MAGI2: variants seen among roughly 807,000 people sequenced by gnomAD.
MAGI2 encodes the protein membrane associated guanylate kinase, WW and PDZ domain containing 2.
Under a neutral mutation model 133.3 loss-of-function variants are expected in MAGI2, and 35 were observed. The observed-to-expected ratio is 0.26, with a 90% CI of 0.20 to 0.35. The LOEUF is 0.35. Ranked by LOEUF, MAGI2 falls within the 10% of genes least tolerant of loss-of-function variation. MAGI2 has a pLI of 1.00. For synonymous variants in MAGI2, 729 were observed against 710.6 expected (o/e 1.03, Z -0.41); for missense variants, 1,636 against 1,863.4 (o/e 0.88, Z 2.25).
At chr7:78,664,490 A>T (rs181590265) in intron 2 of MAGI2, among the ~76,000 whole-genome samples, 1 of 152,174 alleles carries the variant, frequency 6.6e-6, no homozygotes, top group Non-Finnish European at 1.5e-5. Flanking sequence ...TTAATCAGTA[A>T]TTGAAAGAAC....
intron 20 of MAGI2, among the ~76,000 whole-genome samples, chr7:78,081,103 G>T (rs901087806): frequency 6.6e-6 from 1 of 152,038 alleles, no homozygotes; most frequent in Admixed American, 6.6e-5. Context: ...GTGATTTCTT[G>T]TTCTTTCTGA....
chr7:79,361,331 G>C (rs1245876469), intron 1 of MAGI2, among the ~76,000 whole-genome samples: 1 of 152,052 alleles, frequency 6.6e-6, no homozygotes, highest in Non-Finnish European at 1.5e-5. Flanking sequence ...AAATGATATG[G>C]AAGGAGGGAA....
chr7:78,965,273 T>C (rs1229248004), intron 2 of MAGI2, among the ~76,000 whole-genome samples: 1 of 151,692 alleles, frequency 6.6e-6, no homozygotes, highest in African/African-American at 2.4e-5. Context: ...TTAAATGACA[T>C]AGGGATATGC....
intron 1 of MAGI2, among the ~76,000 whole-genome samples, chr7:79,313,830 T>C (rs1179049017): frequency 6.6e-6 from 1 of 150,614 alleles, no homozygotes; most frequent in Non-Finnish European, 1.5e-5. Flanking sequence ...TAAGATGGAG[T>C]CTCACTCTGT....
chr7:78,913,356 T>G (rs1482456446), intron 2 of MAGI2, among the ~76,000 whole-genome samples: 1 of 152,114 alleles, frequency 6.6e-6, no homozygotes. Flanking sequence ...TGTGTTGCAC[T>G]TTTGCCTCTC....
intron 2 of MAGI2, among the ~76,000 whole-genome samples, chr7:78,715,660 G>A (rs1819627215): frequency 6.6e-6 from 1 of 152,136 alleles, no homozygotes; most frequent in Non-Finnish European, 1.5e-5. Context: ...AGATACCAAA[G>A]ACAGATGACA....
Position 78,160,289 on chromosome 7 carries a change from C to T in MAGI2, c.2597-16G>A, listed in dbSNP as rs1244556686. The T allele has an allele frequency of 1.3e-6, 2 of 1,559,758 alleles. No homozygotes were observed. Among genetic ancestry groups the T allele is most frequent in the East Asian group, 2.3e-5 (1 of 44,214 alleles). On this transcript the variant is annotated splice_polypyrimidine_tract_variant and intron_variant, in intron 15 of 21. Transcript: ENST00000354212. ...CAGGGCTCCCCTGCAAAATATACCACACACAGGTAATCAATTACCTTACAA... is the reference window on the plus strand; with the variant it reads ...CAGGGCTCCCCTGCAAAATATACCATACACAGGTAATCAATTACCTTACAA...
At chr7:78,895,806 T>C (rs950116987) in intron 2 of MAGI2, among the ~76,000 whole-genome samples, 1 of 152,210 alleles carries the variant, frequency 6.6e-6, no homozygotes, top group Non-Finnish European at 1.5e-5. Flanking sequence ...TATTACTGAC[T>C]TAAAAGGTTT....
At chr7:79,090,393 T>C (rs537492038) in intron 1 of MAGI2, among the ~76,000 whole-genome samples, 1 of 152,242 alleles carries the variant, frequency 6.6e-6, no homozygotes, top group African/African-American at 2.4e-5. Flanking sequence ...AAATAATGGG[T>C]AGTGACACTA....
intron 2 of MAGI2, among the ~76,000 whole-genome samples, chr7:78,960,743 G>C (rs1323238000): frequency 6.6e-6 from 1 of 152,060 alleles, no homozygotes; most frequent in Non-Finnish European, 1.5e-5. Flanking sequence ...TGCATAGTTA[G>C]TGAGTTAGCT....
At chr7:78,678,324 A>G (rs1236563833) in intron 2 of MAGI2, among the ~76,000 whole-genome samples, 1 of 152,112 alleles carries the variant, frequency 6.6e-6, no homozygotes, top group Non-Finnish European at 1.5e-5. Flanking sequence ...CCACTTACTC[A>G]TGAAAAGGGC....
intron 2 of MAGI2, among the ~76,000 whole-genome samples, chr7:78,875,384 A>G (rs1795339500): frequency 6.6e-6 from 1 of 152,176 alleles, no homozygotes; most frequent in African/African-American, 2.4e-5. Flanking sequence ...GAACCACAGA[A>G]AGAATGTCTC....
At chr7:78,032,009 C>T (rs934269231) in intron 21 of MAGI2, among the ~76,000 whole-genome samples, 11 of 124,166 alleles carry the variant, frequency 8.9e-5, no homozygotes, top group African/African-American at 3.0e-4. Flanking sequence ...AGCCCCCCCA[C>T]TTTTTTTTTT....
intron 1 of MAGI2, among the ~76,000 whole-genome samples, chr7:79,250,220 T>TG (rs1833136302): frequency 6.6e-6 from 1 of 152,070 alleles, no homozygotes; most frequent in Non-Finnish European, 1.5e-5. Context: ...CCTTTTCTCT[T>TG]CTCTAAGATC....
At chr7:79,161,554 C>T (rs1333977993) in intron 1 of MAGI2, among the ~76,000 whole-genome samples, 1 of 151,982 alleles carries the variant, frequency 6.6e-6, no homozygotes, top group Non-Finnish European at 1.5e-5. Context: ...TAAAATCTTG[C>T]TAACTGATAA....
chr7:78,146,429 T>C (rs1760922320), intron 16 of MAGI2, among the ~76,000 whole-genome samples: 3 of 152,096 alleles, frequency 2.0e-5, no homozygotes, highest in Admixed American at 6.6e-5. Context: ...GCAATCAATA[T>C]TTTGGTGCCC....
At chr7:78,758,031 C>A (rs2151293188) in intron 2 of MAGI2, among the ~76,000 whole-genome samples, 1 of 152,264 alleles carries the variant, frequency 6.6e-6, no homozygotes, top group Middle Eastern at 3.4e-3. Context: ...AGATAGCTCT[C>A]TCACTTCTCT....
intron 1 of MAGI2, among the ~76,000 whole-genome samples, chr7:79,203,900 T>A (rs1828823266): frequency 6.6e-6 from 1 of 152,032 alleles, no homozygotes; most frequent in African/African-American, 2.4e-5. Context: ...GCAGAAACAT[T>A]AATTTGAACA....
intron 2 of MAGI2, among the ~76,000 whole-genome samples, chr7:78,815,985 T>C (rs1305465037): frequency 6.6e-6 from 1 of 152,184 alleles, no homozygotes; most frequent in Non-Finnish European, 1.5e-5. Context: ...CAAGATAAGC[T>C]GAACTGCAGG....
Sources: allele counts gnomAD v4.1 joint callset (sites outside exome capture counted in the v4.1 genomes callset), GRCh38; gene constraint gnomAD v4.1.1; transcripts MANE v1.5; gene names NCBI Gene and HGNC (gene_info 2026-07-23, HGNC 2026-07-21).